The following CCNH variants were observed in gnomAD, a reference collection of about 807,000 sequenced individuals.
The protein encoded by CCNH is cyclin H, also known as cyclin-H.
In CCNH, 31 loss-of-function variants were observed where a neutral mutation model predicts 41.9. The observed-to-expected ratio is 0.74, with a 90% CI of 0.56 to 1.00. The LOEUF (loss-of-function observed/expected upper bound fraction) is 1.00. Ranked by LOEUF, CCNH falls within the 50% of genes least tolerant of loss-of-function variation. The probability of loss-of-function intolerance (pLI) is 0.00; values close to 1 mark genes in which losing one functional copy is unlikely to be tolerated. For missense variants in CCNH, 362 were observed against 388.4 expected, an observed-to-expected ratio of 0.93 and a Z score of 0.57; for synonymous variants, 138 against 136.1, an observed-to-expected ratio of 1.01 and a Z score of -0.10.
intron 9 of CCNH, chr5:87,331,535 G>A (rs772211616): frequency 1.9e-6 from 3 of 1,600,968 alleles, no homozygotes; most frequent in Middle Eastern, 1.7e-4. Flanking sequence ...GCCAAATGAT[G>A]TAGCTATTTT....
upstream of CCNH, chr5:87,379,600 C>A: frequency 8.0e-7 from 1 of 1,248,498 alleles, no homozygotes; most frequent in Non-Finnish European, 1.1e-6. Flanking sequence ...TCCCATTATA[C>A]AAAGAAAAAA....
At chr5:87,313,636 TTTTAC>T (rs1756092160), downstream of CCNH, among the ~76,000 whole-genome samples, 1 of 152,160 alleles carries the variant, frequency 6.6e-6, no homozygotes, top group Admixed American at 6.5e-5. Flanking sequence ...ACAAGTAACT[TTTTAC>T]TTTAATGGAG....
At chr5:87,340,554 A>G (rs1441219255) in intron 9 of CCNH, among the ~76,000 whole-genome samples, 3 of 152,124 alleles carry the variant, frequency 2.0e-5, no homozygotes, top group African/African-American at 7.2e-5. Context: ...ATTTTTCTCC[A>G]TAATAGTGGA....
downstream of CCNH, among the ~76,000 whole-genome samples, chr5:87,317,603 T>C (rs1389505529): frequency 1.3e-5 from 2 of 152,150 alleles, no homozygotes; most frequent in African/African-American, 4.8e-5. Context: ...AAGATGACCT[T>C]TTTCCCTAAT....
chr5:87,391,081 A>G, downstream of CCNH: 1 of 647,166 alleles, frequency 1.5e-6, no homozygotes, highest in Non-Finnish European at 2.8e-6. Context: ...TGTGCAGGAT[A>G]TTTGCACTAT....
chr5:87,358,031 A>G (rs1487228470), intron 9 of CCNH, among the ~76,000 whole-genome samples: 1 of 152,184 alleles, frequency 6.6e-6, no homozygotes, highest in Non-Finnish European at 1.5e-5. Flanking sequence ...TCATTCTTCA[A>G]GCAGGGTTTT....
At chr5:87,328,125 AT>A (rs1299089021) in intron 9 of CCNH, among the ~76,000 whole-genome samples, 13 of 152,334 alleles carry the variant, frequency 8.5e-5, no homozygotes, top group Admixed American at 5.9e-4. Context: ...CATTGGACAA[AT>A]ACTTTTAAAA....
downstream of CCNH, among the ~76,000 whole-genome samples, chr5:87,313,459 G>A (rs1004674693): frequency 2.6e-5 from 4 of 152,170 alleles, no homozygotes; most frequent in Non-Finnish European, 5.9e-5. Flanking sequence ...GGCTAGATAC[G>A]TGGATTTCAG....
At chr5:87,409,430 C>T (rs563304732) in intron 2 of CCNH, 67 bp from the exon 3 acceptor site, 1 of 898,448 alleles carries the variant, frequency 1.1e-6, no homozygotes, top group Admixed American at 2.2e-5. Flanking sequence ...TTTTGTGAAA[C>T]AGAACTTATT....
At chr5:87,368,127 T>C (rs1760660231) in intron 9 of CCNH, among the ~76,000 whole-genome samples, 1 of 151,968 alleles carries the variant, frequency 6.6e-6, no homozygotes, top group Non-Finnish European at 1.5e-5. Context: ...CTTCTTGGAG[T>C]CTGGTTAAAA....
At chr5:87,387,028 A>AT, downstream of CCNH, 1 of 865,368 alleles carries the variant, frequency 1.2e-6, no homozygotes, top group South Asian at 1.6e-5. Flanking sequence ...AAGCCTGCAA[A>AT]TTTTTGTCTG....
At chr5:87,399,352 T>A in intron 7 of CCNH, 42 bp downstream of exon 7, 1 of 1,382,182 alleles carries the variant, frequency 7.2e-7, no homozygotes. Flanking sequence ...CTGGACTGGA[T>A]AACAGTTATG....
rs182260191 is a variant in CCNH, at chr5:87,398,634, A to C, written c.872+760T>G. Among the ~76,000 whole-genome samples the C allele has an allele frequency of 5.7e-3, 867 of 152,246 alleles. 3 individuals carry two copies. Among genetic ancestry groups the C allele is most frequent in the Non-Finnish European group, 8.0e-3 (542 of 68,022 alleles). ...CTTACAAATCAATTAAGAGACATTA[A>C]AGGTGTTCTTATGGCTAGCCACAAG... On this transcript the variant is annotated intron_variant, in intron 7 of 8. Coordinates refer to ENST00000256897, the MANE Select transcript of CCNH (RefSeq NM_001239.4).
downstream of CCNH, chr5:87,391,258 T>C (rs116868431): frequency 5.2e-4 from 205 of 392,106 alleles, 1 homozygote; most frequent in East Asian, 8.3e-3. Context: ...AACTATGAAA[T>C]CAACTGACAA....
rs943137025 is a variant in CCNH, at chr5:87,350,726, A to C, written c.*91-31829T>G. Among the ~76,000 whole-genome samples the C allele has an allele frequency of 2.6e-5, 4 of 151,764 alleles. No individual in the cohort carries two copies. The South Asian group carries it at 6.2e-4, about 24-fold the overall frequency. ...TGTTTTCAAAATGAGGATTAAAAAA[A>C]AAAAGTTAAATGTATGTTAATTTAG... On this transcript the variant is annotated intron_variant and NMD_transcript_variant, in intron 9 of 9. Coordinates refer to the CCNH transcript ENST00000645953.
Position 87,347,105 on chromosome 5 carries a change from T to C in CCNH, c.*91-28208A>G, listed in dbSNP as rs551890443. ...ATATATATTGGGAGATGATTCTGTATCTGCAGATAAAAACTTTCATTACTC... is the reference window on the plus strand; with the variant it reads ...ATATATATTGGGAGATGATTCTGTACCTGCAGATAAAAACTTTCATTACTC... On this transcript the variant is annotated intron_variant and NMD_transcript_variant, in intron 9 of 9. Coordinates refer to the CCNH transcript ENST00000645953. Among the ~76,000 whole-genome samples the C allele has an allele frequency of 2.0e-4, 31 of 152,132 alleles. 1 individual carries two copies. The South Asian group carries it at 5.6e-3, about 27-fold the overall frequency.
intron 5 of CCNH, among the ~76,000 whole-genome samples, 185 bp from the exon 6 acceptor site, chr5:87,401,957 GTTCCT>G (rs753486216): frequency 9.9e-5 from 15 of 152,094 alleles, no homozygotes; most frequent in Non-Finnish European, 1.8e-4. Context: ...GATGTTTATT[GTTCCT>G]TTAAGTTTAG....
chr5:87,358,098 GCAAAT>G (rs1759790978), intron 9 of CCNH, among the ~76,000 whole-genome samples: 1 of 152,090 alleles, frequency 6.6e-6, no homozygotes, highest in African/African-American at 2.4e-5. Flanking sequence ...TGATTAGTTA[GCAAAT>G]CACCTCATCT....
chr5:87,379,940 C>G, upstream of CCNH: 2 of 1,288,892 alleles, frequency 1.6e-6, no homozygotes, highest in Non-Finnish European at 2.2e-6. Context: ...TTTCTGTTGT[C>G]CTAATATTAT....
Sources: gnomAD v4.1 joint callset for allele counts (sites outside exome capture counted in the v4.1 genomes callset) on GRCh38, gnomAD v4.1.1 for gene constraint, MANE v1.5 for transcripts, NCBI Gene and HGNC (gene_info 2026-07-23, HGNC 2026-07-21) for gene names.